CACNA1D: variants seen among roughly 807,000 people sequenced by gnomAD.
CACNA1D encodes voltage-dependent L-type calcium channel subunit alpha-1D.
A neutral mutation model predicts 257.1 loss-of-function variants in CACNA1D; 55 were observed. The observed-to-expected ratio is 0.21, with a 90% CI of 0.17 to 0.27. CACNA1D has a LOEUF of 0.27. CACNA1D is among the 10% of genes least tolerant of loss of function. CACNA1D has a pLI of 1.00. For missense variants in CACNA1D, 1,876 were observed against 2,784.0 expected, an observed-to-expected ratio of 0.67 and a Z score of 7.34; for synonymous variants, 980 against 1,014.9, an observed-to-expected ratio of 0.97 and a Z score of 0.65.
intron 3 of CACNA1D, among the ~76,000 whole-genome samples, chr3:53,625,645 C>T (rs745385025): frequency 1.1e-4 from 17 of 152,182 alleles, no homozygotes; most frequent in Non-Finnish European, 2.2e-4. Flanking sequence ...GACATGTGTT[C>T]ATTTATTGTT....
chr3:53,706,825 T>A (rs138887519), intron 9 of CACNA1D, among the ~76,000 whole-genome samples: 1 of 152,242 alleles, frequency 6.6e-6, no homozygotes, highest in Non-Finnish European at 1.5e-5. Flanking sequence ...ACACCCTATG[T>A]CCATGTGTAC....
chr3:53,534,402 G>A (rs2107473880), intron 3 of CACNA1D, among the ~76,000 whole-genome samples: 1 of 152,310 alleles, frequency 6.6e-6, no homozygotes, highest in African/African-American at 2.4e-5. Flanking sequence ...TGCCCATTCT[G>A]TCCCTCCCAC....
At chr3:53,591,433 TA>T (rs1209617521) in intron 3 of CACNA1D, among the ~76,000 whole-genome samples, 1 of 152,116 alleles carries the variant, frequency 6.6e-6, no homozygotes, top group Non-Finnish European at 1.5e-5. Context: ...TTTGAATTTT[TA>T]GTAGAGACGG....
chr3:53,584,852 A>G (rs1426483439), intron 3 of CACNA1D, among the ~76,000 whole-genome samples: 3 of 141,438 alleles, frequency 2.1e-5, no homozygotes, highest in Non-Finnish European at 4.7e-5. Context: ...AGATGACTCT[A>G]TTAGAGTCTT....
chr3:53,674,180 C>T (rs899946399), intron 8 of CACNA1D: 18 of 376,356 alleles, frequency 4.8e-5, no homozygotes, highest in Non-Finnish European at 8.1e-5. Context: ...AACTCCTTGT[C>T]GTTTTGTGTC....
chr3:53,620,281 G>A (rs1000290852), intron 3 of CACNA1D, among the ~76,000 whole-genome samples: 1 of 151,984 alleles, frequency 6.6e-6, no homozygotes, highest in Non-Finnish European at 1.5e-5. Flanking sequence ...CCCAGTTCTC[G>A]TCCATCTCTC....
In CACNA1D at chr3:53,730,617, T is replaced by C. The variant is rs890160924; in HGVS notation, c.2336+61T>C. 2.4e-6 allele frequency: 3 copies of C among 1,248,924 alleles called. No homozygotes were observed. The Admixed American group carries it at 5.3e-5, about 22-fold the overall frequency. 77.4% of individuals were successfully genotyped at this position (1,248,924 alleles called of 1,614,324 possible). A position where few individuals can be genotyped will look rare whatever the true frequency, so the allele number is the denominator to read the frequency against. On this transcript the variant is annotated intron_variant, in intron 16 of 47. Coordinates refer to ENST00000350061, the MANE Select transcript of CACNA1D (RefSeq NM_001128840.3). Reference sequence around the variant, plus strand: ...GCTGTGTTGGGAGCCCTGCAACAGTTGCAGCCTGCCAGGCTTACCCCCGCA... The same window carrying C: ...GCTGTGTTGGGAGCCCTGCAACAGTCGCAGCCTGCCAGGCTTACCCCCGCA...
intron 35 of CACNA1D, 40 bp downstream of exon 35, chr3:53,776,085 G>A: frequency 6.4e-7 from 1 of 1,573,494 alleles, no homozygotes; most frequent in South Asian, 1.1e-5. Flanking sequence ...ATTTACAGAT[G>A]CTTATGTAGC....
chr3:53,716,890 C>G (rs1026860103), intron 9 of CACNA1D, among the ~76,000 whole-genome samples: 5 of 152,204 alleles, frequency 3.3e-5, no homozygotes, highest in African/African-American at 1.2e-4. Flanking sequence ...GAGCCAGGTT[C>G]CACCTCTATC....
Position 53,722,548 on chromosome 3 carries a change from A to G in CACNA1D, c.1666+74A>G, listed in dbSNP as rs909799152. 3.5e-5 allele frequency: 50 copies of G among 1,408,906 alleles called. No homozygotes were observed. The East Asian group carries it at 9.6e-4, about 27-fold the overall frequency. 87.3% of individuals were successfully genotyped at this position (1,408,906 alleles called of 1,614,324 possible). A position where few individuals can be genotyped will look rare whatever the true frequency, so the allele number is the denominator to read the frequency against. On this transcript the variant is annotated intron_variant, in intron 12 of 47. Coordinates refer to ENST00000350061, the MANE Select transcript of CACNA1D (RefSeq NM_001128840.3). ...GGCTGTCCAACTGCCATTTGGTCTT[A>G]TCTGATCGCTGCATGATGAAGTATC...
At chr3:53,747,986 A>C (rs2095187752) in intron 26 of CACNA1D, among the ~76,000 whole-genome samples, 1 of 152,230 alleles carries the variant, frequency 6.6e-6, no homozygotes, top group Non-Finnish European at 1.5e-5. Context: ...TCTGTGCAAC[A>C]TGGCATGTTA....
intron 7 of CACNA1D, among the ~76,000 whole-genome samples, chr3:53,668,268 T>C (rs1378358735): frequency 1.3e-5 from 2 of 152,240 alleles, no homozygotes; most frequent in Non-Finnish European, 2.9e-5. Context: ...CTTTATGTTA[T>C]ATTCCTTCAC....
In CACNA1D at chr3:53,811,571, T is replaced by C. The variant is rs1431120406; in HGVS notation, c.*165T>C. 3 of 619,378 alleles carry C rather than the reference T, an allele frequency of 4.8e-6. No individual in the cohort carries two copies. The highest frequency in any genetic ancestry group is 8.2e-6 in the Non-Finnish European group (3 of 368,078). 38.4% of individuals were successfully genotyped at this position (619,378 alleles called of 1,614,324 possible). A position where few individuals can be genotyped will look rare whatever the true frequency, so the allele number is the denominator to read the frequency against. ...TGCCTCAAGAAAGCCATAAACCTGG[T>C]AGGAACAGGTCCCAAGCGGTTGAGC... On this transcript the variant is annotated 3_prime_UTR_variant, in exon 48 of 48. Transcript: ENST00000350061. The surrounding 1 kb of genome is among the most constrained non-coding windows in gnomAD (Gnocchi z 4.2).
chr3:53,521,353 C>A (rs1286096280), intron 3 of CACNA1D, among the ~76,000 whole-genome samples: 1 of 152,190 alleles, frequency 6.6e-6, no homozygotes, highest in Non-Finnish European at 1.5e-5. Flanking sequence ...TCTTCAATTT[C>A]TTGATGGTAT....
intron 22 of CACNA1D, 56 bp downstream of exon 22, chr3:53,743,173 G>T (rs2095133778): frequency 2.9e-6 from 3 of 1,017,462 alleles, no homozygotes; most frequent in South Asian, 2.6e-5. Context: ...TTATGTAAGG[G>T]ATTTTAACAT....
intron 4 of CACNA1D, among the ~76,000 whole-genome samples, chr3:53,654,312 T>A (rs2108293551): frequency 6.6e-6 from 1 of 152,322 alleles, no homozygotes; most frequent in Middle Eastern, 3.4e-3. Context: ...TCCCCTCGTT[T>A]AAAAATTTCT....
At chr3:53,616,181 G>C (rs1055235624) in intron 3 of CACNA1D, among the ~76,000 whole-genome samples, 1 of 152,168 alleles carries the variant, frequency 6.6e-6, no homozygotes, top group South Asian at 2.1e-4. Context: ...GGCTGTGCAC[G>C]TAGCAGGGTT....
chr3:53,715,875 A>G (rs1314622102), intron 9 of CACNA1D, among the ~76,000 whole-genome samples: 3 of 152,148 alleles, frequency 2.0e-5, no homozygotes, highest in Non-Finnish European at 2.9e-5. Context: ...GTCTTTCCCC[A>G]CAGTTAGTCT....
intron 8 of CACNA1D, among the ~76,000 whole-genome samples, chr3:53,677,720 A>T (rs1225769231): frequency 1.3e-5 from 2 of 152,222 alleles, no homozygotes; most frequent in Non-Finnish European, 2.9e-5. Context: ...AGTCATTGTT[A>T]TTATATATTT....
Sources: gnomAD v4.1 joint callset for allele counts (sites outside exome capture counted in the v4.1 genomes callset) on GRCh38, gnomAD v4.1.1 for gene constraint, Gnocchi (gnomAD v3.1) non-coding constraint, MANE v1.5 for transcripts, NCBI Gene and HGNC (gene_info 2026-07-23, HGNC 2026-07-21) for gene names.